The following PDE4A variants were observed in gnomAD, a reference collection of about 807,000 sequenced individuals.
PDE4A encodes phosphodiesterase 4A, also known as 3',5'-cyclic-AMP phosphodiesterase 4A.
A neutral mutation model predicts 73.9 loss-of-function variants in PDE4A; 21 were observed. The ratio of observed to expected loss-of-function variants is 0.28; its 90% CI spans 0.20 to 0.41. The LOEUF (loss-of-function observed/expected upper bound fraction) is 0.41. Ranked by LOEUF, PDE4A falls within the 10% of genes least tolerant of loss-of-function variation. PDE4A has a pLI of 1.00. For synonymous variants in PDE4A, 463 were observed against 505.4 expected, an observed-to-expected ratio of 0.92 and a Z score of 1.13; for missense variants, 958 against 1,211.4, an observed-to-expected ratio of 0.79 and a Z score of 3.10.
intron 1 of PDE4A, among the ~76,000 whole-genome samples, chr19:10,437,204 A>G (rs1310611946): frequency 3.3e-5 from 5 of 151,536 alleles, no homozygotes; most frequent in African/African-American, 9.7e-5. Context: ...GCTCACTGCA[A>G]TCTCCACCTC....
chr19:10,446,901 C>CTTTTTTTCTCTTTTTTTTTTTTT (rs1939804348), intron 2 of PDE4A, among the ~76,000 whole-genome samples: 4 of 145,504 alleles, frequency 2.7e-5, no homozygotes, highest in South Asian at 2.2e-4. Flanking sequence ...GCCTCAGTTC[C>CTTTTTTTCTCTTTTTTTTTTTTT]TTTTTTTTTT....
At chr19:10,431,101 G>A in intron 1 of PDE4A, 1 of 1,485,342 alleles carries the variant, frequency 6.7e-7, no homozygotes, top group African/African-American at 1.5e-5. Flanking sequence ...GTGCAGCGCT[G>A]GTGGCCGTGG....
At chr19:10,421,143 T>C in intron 1 of PDE4A, 59 bp downstream of exon 1, 1 of 1,338,692 alleles carries the variant, frequency 7.5e-7, no homozygotes, top group Non-Finnish European at 9.5e-7. Flanking sequence ...AGGAGGCAAC[T>C]CGAGCTGCCG....
At chr19:10,417,937 C>T, upstream of PDE4A, 1 of 1,467,214 alleles carries the variant, frequency 6.8e-7, no homozygotes, top group African/African-American at 1.4e-5. Flanking sequence ...GGTCCAGCCA[C>T]CAGCCCTTCC....
rs986961006 is a variant in PDE4A, at chr19:10,427,467, G to T, written c.320+6383G>T. 3.5e-5 allele frequency: 34 copies of T among 984,902 alleles called. No individual in the cohort carries two copies. In the African/African-American group the frequency reaches 5.6e-4, roughly 16 times the overall value. 61.0% of individuals were successfully genotyped at this position (984,902 alleles called of 1,614,324 possible). On this transcript the variant is annotated intron_variant, in intron 1 of 14. Transcript: ENST00000380702. ...GGAGGCAGTGGAAAAAAAGGAGGGA[G>T]CGAGGTGACAGGCAGCTCATGTAAG...
At chr19:10,423,518 T>G (rs1041636450) in intron 1 of PDE4A, among the ~76,000 whole-genome samples, 5 of 152,140 alleles carry the variant, frequency 3.3e-5, no homozygotes, top group Non-Finnish European at 7.3e-5. Context: ...GAGCTGGAAT[T>G]GCAACGCAGG....
Position 10,421,027 on chromosome 19 carries a change from C to T in PDE4A, c.263C>T (p.Ser88Leu), listed in dbSNP as rs544122910. 7.5e-5 allele frequency: 110 copies of T among 1,463,196 alleles called. 1 individual carries two copies. In the South Asian group the frequency reaches 1.2e-3, roughly 16 times the overall value. The allele number at this position is 1,463,196 out of a possible 1,614,324, so 90.6% of individuals were successfully genotyped here. The change falls in exon 1 of 15, where the codon TCG (serine) becomes TTG (leucine). Residue 88 changes from serine (S) to leucine (L), a missense_variant. Ser to Leu is a moderately radical substitution (Grantham distance 145, BLOSUM62 -2). Transcript: ENST00000380702. ...CGCACGACCCGCATGTCCTGGCCCTCGTCCTTCCATGGCACTGGCACCGGC... is the reference window on the plus strand; with the variant it reads ...CGCACGACCCGCATGTCCTGGCCCTTGTCCTTCCATGGCACTGGCACCGGC... Reference protein sequence around the residue: ...GLRTTRMSWPSSFHGTGTGSG... With the variant: ...GLRTTRMSWPLSFHGTGTGSG...
upstream of PDE4A, chr19:10,417,876 G>A: frequency 6.5e-7 from 1 of 1,548,564 alleles, no homozygotes. Context: ...GTAGGTAGGA[G>A]AGGGAGCAGA....
At chr19:10,459,241 A>G in intron 8 of PDE4A, 159 bp from the exon 9 acceptor site, 4 of 1,288,804 alleles carry the variant, frequency 3.1e-6, no homozygotes, top group Non-Finnish European at 4.2e-6. Flanking sequence ...TTTGCAGCCC[A>G]GTAGGACGAG....
At chr19:10,417,032 C>G, upstream of PDE4A, 2 of 1,533,378 alleles carry the variant, frequency 1.3e-6, no homozygotes, top group South Asian at 2.4e-5. Context: ...GGCTTCGCCC[C>G]TTGGGGGAGA....
intron 14 of PDE4A, 170 bp downstream of exon 14, chr19:10,464,145 T>A: frequency 1.3e-6 from 1 of 795,824 alleles, no homozygotes; most frequent in Admixed American, 2.4e-5. Flanking sequence ...TTGCCCAGGC[T>A]GGAGTACAAT....
intron 1 of PDE4A, chr19:10,430,726 G>A: frequency 4.3e-6 from 1 of 231,930 alleles, no homozygotes; most frequent in Non-Finnish European, 7.1e-6. Flanking sequence ...CGGAAGGGCC[G>A]AGGCGACAGG....
At chr19:10,450,723 C>T in intron 5 of PDE4A, 71 bp downstream of exon 5, 1 of 1,586,532 alleles carries the variant, frequency 6.3e-7, no homozygotes. Flanking sequence ...GCCCCTTCCC[C>T]ACCCAGCAGT....
chr19:10,456,032 C>T (rs934466533), intron 7 of PDE4A, among the ~76,000 whole-genome samples: 7 of 150,270 alleles, frequency 4.7e-5, no homozygotes, highest in African/African-American at 1.7e-4. Flanking sequence ...TGGTATGACC[C>T]CCCCCCAATT....
intron 14 of PDE4A, among the ~76,000 whole-genome samples, chr19:10,465,266 G>A (rs887452878): frequency 9.3e-5 from 14 of 151,020 alleles, no homozygotes; most frequent in African/African-American, 3.2e-4. Flanking sequence ...TGTCACCCAG[G>A]CTGGAGTACA....
Position 10,446,481 on chromosome 19 carries a change from G to A in PDE4A, c.512+72G>A, listed in dbSNP as rs945174147. 8 of 1,532,200 alleles carry A rather than the reference G, an allele frequency of 5.2e-6. No homozygotes were observed. The African/African-American group carries it at 1.1e-4, about 21-fold the overall frequency. 94.9% of individuals were successfully genotyped at this position (1,532,200 alleles called of 1,614,324 possible). A position where few individuals can be genotyped will look rare whatever the true frequency, so the allele number is the denominator to read the frequency against. ...GCTGGAAGCTGCCCTTCCCAGCAGG[G>A]AGTCGGGGGGCACCCACCCCTATCC... is the stretch of plus-strand genomic sequence containing the variant. On this transcript the variant is annotated intron_variant, in intron 2 of 14. Transcript: ENST00000380702.
At chr19:10,427,009 A>C (rs931744731) in intron 1 of PDE4A, among the ~76,000 whole-genome samples, 8 of 151,944 alleles carry the variant, frequency 5.3e-5, no homozygotes, top group Non-Finnish European at 8.8e-5. Context: ...AAATAAAATG[A>C]GGGAGGTAAG....
At chr19:10,417,804 C>A, upstream of PDE4A, 2 of 1,556,864 alleles carry the variant, frequency 1.3e-6, no homozygotes, top group Non-Finnish European at 1.7e-6. Flanking sequence ...GCCGCCACGG[C>A]CCACCACCCT....
upstream of PDE4A, chr19:10,419,049 C>T: frequency 1.1e-6 from 1 of 898,246 alleles, no homozygotes; most frequent in Non-Finnish European, 1.3e-6. Flanking sequence ...GGTTGAAGAC[C>T]GGCAGTCTTT....
Sources: allele counts gnomAD v4.1 joint callset (sites outside exome capture counted in the v4.1 genomes callset), GRCh38; gene constraint gnomAD v4.1.1; transcripts MANE v1.5; gene names NCBI Gene and HGNC (gene_info 2026-07-23, HGNC 2026-07-21).